MSN: variants seen among roughly 807,000 people sequenced by gnomAD.
The protein encoded by MSN is moesin.
A neutral mutation model predicts 48.0 loss-of-function variants in MSN; 2 were observed. The observed-to-expected ratio is 0.04, with a 90% CI of 0.02 to 0.13. The LOEUF is 0.13. MSN is among the 10% of genes least tolerant of loss of function. MSN has a pLI of 1.00. For missense variants in MSN, 267 were observed against 470.1 expected, an observed-to-expected ratio of 0.57 and a Z score of 3.99; for synonymous variants, 146 against 166.9, an observed-to-expected ratio of 0.87 and a Z score of 0.97.
intron 1 of MSN, among the ~76,000 whole-genome samples, chrX:65,620,249 C>T (rs1268930202): frequency 8.9e-6 from 1 of 112,671 alleles, no homozygotes; most frequent in Non-Finnish European, 1.9e-5. Flanking sequence ...GTTGGAGCTT[C>T]CCGGCTGCTT....
chrX:65,723,298 A>G (rs1401080210), intron 2 of MSN, among the ~76,000 whole-genome samples: 3 of 111,992 alleles, frequency 2.7e-5, no homozygotes. Flanking sequence ...AATTTGCACA[A>G]ATAATTAAAC....
intron 1 of MSN, among the ~76,000 whole-genome samples, chrX:65,640,909 G>A (rs1401363180): frequency 3.6e-5 from 4 of 111,449 alleles, no homozygotes; most frequent in Non-Finnish European, 7.5e-5. Flanking sequence ...AGGAGTCCCA[G>A]ATCAGCCTGG....
At chrX:65,629,006 C>T (rs1323725463) in intron 1 of MSN, among the ~76,000 whole-genome samples, 2 of 106,509 alleles carry the variant, frequency 1.9e-5, no homozygotes, top group Non-Finnish European at 3.9e-5. Flanking sequence ...GTGGAGGTTG[C>T]AGTCAGTGAG....
intron 8 of MSN, among the ~76,000 whole-genome samples, chrX:65,736,180 T>C (rs1023436326): frequency 2.7e-5 from 3 of 111,305 alleles, no homozygotes; most frequent in Admixed American, 9.5e-5. Context: ...GCAGGTCTTA[T>C]TGGACCATTT....
intron 1 of MSN, among the ~76,000 whole-genome samples, chrX:65,682,112 T>TTAGCTATAGCTA (rs2071062135): frequency 9.0e-6 from 1 of 111,448 alleles, no homozygotes; most frequent in African/African-American, 3.3e-5. Flanking sequence ...TAACATCCCT[T>TTAGCTATAGCTA]TAGCTATAGG....
In MSN at chrX:65,695,141, G is replaced by A. The variant is rs964289711; in HGVS notation, c.13-21677G>A. On this transcript the variant is annotated intron_variant, in intron 1 of 12. Transcript: ENST00000360270. Reference sequence around the variant, plus strand: ...GGTGGTGGTGGAGTATAGATGCAGAGGGATCTTAGTTTGGTTGCCTTTCCA... The same window carrying A: ...GGTGGTGGTGGAGTATAGATGCAGAAGGATCTTAGTTTGGTTGCCTTTCCA... Among the ~76,000 whole-genome samples the A allele has an allele frequency of 3.7e-5, 4 of 109,128 alleles. No homozygotes were observed. In the Admixed American group the frequency reaches 3.9e-4, roughly 11 times the overall value. The allele number at this position is 109,128 out of a possible 115,157, so 94.8% of individuals were successfully genotyped here.
At chrX:65,630,111 G>A (rs1461465826) in intron 1 of MSN, among the ~76,000 whole-genome samples, 7 of 110,153 alleles carry the variant, frequency 6.4e-5, no homozygotes, top group Middle Eastern at 4.2e-3. Context: ...CCTGGGAGGC[G>A]GGGGCTGCAG....
At chrX:65,651,137 G>A (rs2070738557) in intron 1 of MSN, among the ~76,000 whole-genome samples, 1 of 110,127 alleles carries the variant, frequency 9.1e-6, no homozygotes, top group East Asian at 2.8e-4. Context: ...TTGAAAATTA[G>A]AGGCCGGGTG....
chrX:65,627,506 T>C (rs1445798841), intron 1 of MSN, among the ~76,000 whole-genome samples: 10 of 110,776 alleles, frequency 9.0e-5, no homozygotes. Context: ...TCAGATCTCA[T>C]GAGACTTTTC....
chrX:65,674,329 T>C (rs748676950), intron 1 of MSN, among the ~76,000 whole-genome samples: 17 of 111,636 alleles, frequency 1.5e-4, no homozygotes, highest in Middle Eastern at 4.2e-3. Flanking sequence ...AAGGAGAACT[T>C]GGATTTCCTA....
chrX:65,698,167 G>A (rs1369093671), intron 1 of MSN, among the ~76,000 whole-genome samples: 1 of 111,561 alleles, frequency 9.0e-6, no homozygotes, highest in African/African-American at 3.3e-5. Flanking sequence ...TTGCCTTCTT[G>A]GCTTTGAGAG....
chrX:65,620,043 C>T (rs958525813), intron 1 of MSN, among the ~76,000 whole-genome samples: 6 of 111,944 alleles, frequency 5.4e-5, no homozygotes, highest in Non-Finnish European at 1.1e-4. Context: ...CAGGGACCCA[C>T]GTGAGGAGGC....
upstream of MSN, among the ~76,000 whole-genome samples, chrX:65,663,870 A>G (rs2070844182): frequency 9.1e-6 from 1 of 109,985 alleles, no homozygotes; most frequent in South Asian, 3.9e-4. Flanking sequence ...CATCCTGGCT[A>G]GCATGGTGAA....
Position 65,594,758 on chromosome X carries a change from C to T in MSN, c.-22+6146C>T, listed in dbSNP as rs2070174073. On this transcript the variant is annotated intron_variant, in intron 1 of 3. Transcript: ENST00000609672. ...CATCCCTGTCACACAACAAGAAACA[C>T]TGGCTGCCTTTGTTGTTTCCCTTGC... is the stretch of plus-strand genomic sequence containing the variant. Among the ~76,000 whole-genome samples, 4 of 111,445 alleles carry T rather than the reference C, an allele frequency of 3.6e-5. No individual in the cohort carries two copies. In the Admixed American group the frequency reaches 3.8e-4, roughly 11 times the overall value.
chrX:65,681,788 C>A (rs2071057813), intron 1 of MSN, among the ~76,000 whole-genome samples: 1 of 112,304 alleles, frequency 8.9e-6, no homozygotes. Flanking sequence ...CCAGGACACT[C>A]CAGTATGTTT....
intron 2 of MSN, 74 bp downstream of exon 2, chrX:65,716,975 T>G (rs1331540777): frequency 2.5e-5 from 23 of 927,039 alleles, no homozygotes; most frequent in Non-Finnish European, 3.6e-5. Flanking sequence ...TCCATGACTT[T>G]TGCCTCTTGT....
intron 1 of MSN, among the ~76,000 whole-genome samples, chrX:65,627,284 C>CCATATGTATTAATACATATGTATTAGTA (rs1569455807): frequency 7.6e-4 from 83 of 109,562 alleles, no homozygotes; most frequent in African/African-American, 2.5e-3. Flanking sequence ...ATGTATTAGT[C>CCATATGTATTAATACATATGTATTAGTA]CATATGTATT....
At chrX:65,597,194 T>C (rs1226129512) in intron 1 of MSN, among the ~76,000 whole-genome samples, 1 of 109,140 alleles carries the variant, frequency 9.2e-6, no homozygotes, top group African/African-American at 3.3e-5. Context: ...AGGACCACCA[T>C]GCTTGGCTTT....
At chrX:65,729,992 T>C (rs1205146746) in intron 4 of MSN, among the ~76,000 whole-genome samples, 1 of 112,279 alleles carries the variant, frequency 8.9e-6, no homozygotes, top group Non-Finnish European at 1.9e-5. Context: ...AGAGATTGAG[T>C]AATTTCTTTC....
Sources: gnomAD v4.1 joint callset for allele counts (sites outside exome capture counted in the v4.1 genomes callset) on GRCh38, gnomAD v4.1.1 for gene constraint, MANE v1.5 for transcripts, NCBI Gene and HGNC (gene_info 2026-07-23, HGNC 2026-07-21) for gene names.